DHRSX: variants seen among roughly 807,000 people sequenced by gnomAD.
The protein encoded by DHRSX is dehydrogenase/reductase X-linked.
Under a neutral mutation model 34.0 loss-of-function variants are expected in DHRSX, and 31 were observed. The observed-to-expected ratio is 0.91, with a 90% CI of 0.69 to 1.23. The LOEUF is 1.23. Among genes scored for constraint, DHRSX ranks in the 50% most tolerant of loss-of-function variants. DHRSX has a pLI of 0.00. For synonymous variants in DHRSX, 201 were observed against 183.8 expected, an observed-to-expected ratio of 1.09 and a Z score of -0.76; for missense variants, 414 against 428.1, an observed-to-expected ratio of 0.97 and a Z score of 0.29.
intron 3 of DHRSX, among the ~76,000 whole-genome samples, chrX:2,352,833 C>T (rs1296719583): frequency 6.6e-6 from 1 of 152,186 alleles, no homozygotes; most frequent in Non-Finnish European, 1.5e-5. Flanking sequence ...GGCATTCGGA[C>T]CAGCACGGGC....
rs1332396987 is a variant in DHRSX, at chrX:2,244,990, A to G, written c.597-1760T>C. Among the ~76,000 whole-genome samples, 5 of 152,168 alleles carry G rather than the reference A, an allele frequency of 3.3e-5. No homozygotes were observed. The East Asian group carries it at 7.8e-4, about 24-fold the overall frequency. On this transcript the variant is annotated intron_variant, in intron 5 of 6. Coordinates refer to ENST00000334651, the MANE Select transcript of DHRSX (RefSeq NM_145177.3). ...CTCCCAAAGTGCTGGGATTACAGGCATGAGCCACTGTGCCCGGCCTAATTT... is the reference window on the plus strand; with the variant it reads ...CTCCCAAAGTGCTGGGATTACAGGCGTGAGCCACTGTGCCCGGCCTAATTT...
intron 1 of DHRSX, among the ~76,000 whole-genome samples, chrX:2,455,603 T>A (rs2044284316): frequency 6.6e-6 from 1 of 151,856 alleles, no homozygotes; most frequent in Non-Finnish European, 1.5e-5. Context: ...TAGTCGGGCA[T>A]GGTGGCACAC....
At chrX:2,399,725 CA>C (rs779558142) in intron 3 of DHRSX, among the ~76,000 whole-genome samples, 2,092 of 35,250 alleles carry the variant, frequency 0.059, 35 homozygotes, top group Non-Finnish European at 0.078. Context: ...AAACAAAAAG[CA>C]AAAAAAAAAA....
At chrX:2,451,478 C>T (rs1255796100) in intron 1 of DHRSX, among the ~76,000 whole-genome samples, 2 of 152,162 alleles carry the variant, frequency 1.3e-5, no homozygotes, top group Non-Finnish European at 2.9e-5. Context: ...CTGGGAGCTG[C>T]AGTTCCAGAA....
chrX:2,406,598 G>A (rs745373508), intron 3 of DHRSX, among the ~76,000 whole-genome samples: 14 of 151,894 alleles, frequency 9.2e-5, no homozygotes, highest in East Asian at 3.9e-4. Context: ...CTGCCACCAC[G>A]CTCGGCTAAT....
chrX:2,341,998 G>T (rs749641200), intron 3 of DHRSX, among the ~76,000 whole-genome samples: 2 of 152,140 alleles, frequency 1.3e-5, no homozygotes, highest in South Asian at 2.1e-4. Context: ...TAGACATGGG[G>T]TTTCACCATG....
chrX:2,284,187 T>C (rs998590978), intron 4 of DHRSX, among the ~76,000 whole-genome samples: 13 of 151,920 alleles, frequency 8.6e-5, no homozygotes, highest in African/African-American at 3.1e-4. Context: ...CATACATTCC[T>C]TTCAATTCAT....
At chrX:2,247,228 T>C (rs2016319268) in intron 5 of DHRSX, among the ~76,000 whole-genome samples, 9 of 151,978 alleles carry the variant, frequency 5.9e-5, no homozygotes. Flanking sequence ...GGATTACAGG[T>C]GTGAGCCACT....
intron 3 of DHRSX, among the ~76,000 whole-genome samples, chrX:2,380,387 C>T (rs2043189872): frequency 7.1e-6 from 1 of 141,028 alleles, no homozygotes; most frequent in Admixed American, 7.3e-5. Context: ...TCTCATGGAA[C>T]TATACAACCT....
chrX:2,471,063 T>A (rs1480487520), intron 1 of DHRSX, among the ~76,000 whole-genome samples: 1 of 152,204 alleles, frequency 6.6e-6, no homozygotes, highest in Non-Finnish European at 1.5e-5. Context: ...ACGTTGTACC[T>A]CATATACGTG....
At chrX:2,472,686 T>C (rs28735643) in intron 1 of DHRSX, among the ~76,000 whole-genome samples, 31,393 of 151,994 alleles carry the variant, frequency 0.21, 4,352 homozygotes, top group African/African-American at 0.39. Flanking sequence ...GGAGAATCCT[T>C]GGAACCCGGG....
intron 5 of DHRSX, among the ~76,000 whole-genome samples, chrX:2,252,537 G>A (rs763553502): frequency 6.6e-6 from 1 of 152,294 alleles, no homozygotes; most frequent in South Asian, 2.1e-4. Context: ...TGATTGATGG[G>A]TAAGAGGAAT....
At chrX:2,372,608 CTTTGT>C (rs1363267523) in intron 3 of DHRSX, among the ~76,000 whole-genome samples, 1 of 96,898 alleles carries the variant, frequency 1.0e-5, no homozygotes, top group Non-Finnish European at 2.3e-5. Flanking sequence ...TCTTTTCCTT[CTTTGT>C]TTTTTTTTTT....
chrX:2,344,189 C>A (rs768995331), intron 3 of DHRSX, among the ~76,000 whole-genome samples: 1 of 152,132 alleles, frequency 6.6e-6, no homozygotes, highest in African/African-American at 2.4e-5. Context: ...ACTGATTCAA[C>A]AAAGGAAGGA....
chrX:2,436,640 C>T (rs1208130877), intron 1 of DHRSX, among the ~76,000 whole-genome samples: 1 of 151,346 alleles, frequency 6.6e-6, no homozygotes, highest in African/African-American at 2.4e-5. Context: ...ACTACAGGCA[C>T]GTGCCAGCAC....
At chrX:2,311,834 G>C (rs753187303) in intron 3 of DHRSX, among the ~76,000 whole-genome samples, 3 of 152,132 alleles carry the variant, frequency 2.0e-5, no homozygotes, top group African/African-American at 7.2e-5. Flanking sequence ...GCTAATGAGC[G>C]TCGATTTAAT....
At chrX:2,282,926 C>T (rs2041745960) in intron 4 of DHRSX, among the ~76,000 whole-genome samples, 1 of 147,130 alleles carries the variant, frequency 6.8e-6, no homozygotes, top group African/African-American at 2.5e-5. Flanking sequence ...ATAGTAGAAG[C>T]GGGGATGGGG....
intron 3 of DHRSX, among the ~76,000 whole-genome samples, chrX:2,360,160 A>G (rs2042910770): frequency 6.6e-6 from 1 of 152,196 alleles, no homozygotes; most frequent in Non-Finnish European, 1.5e-5. Flanking sequence ...TGAGTGCAAA[A>G]GAACTCACCA....
chrX:2,273,333 A>G (rs959569087), intron 4 of DHRSX, among the ~76,000 whole-genome samples: 1 of 152,236 alleles, frequency 6.6e-6, no homozygotes, highest in Non-Finnish European at 1.5e-5. Flanking sequence ...GGAGTACTGG[A>G]TAAAGAAAAT....
Sources: allele counts gnomAD v4.1 joint callset (sites outside exome capture counted in the v4.1 genomes callset), GRCh38; gene constraint gnomAD v4.1.1; transcripts MANE v1.5; gene names NCBI Gene and HGNC (gene_info 2026-07-23, HGNC 2026-07-21).